PAK4: variants seen among roughly 807,000 people sequenced by gnomAD.
PAK4 encodes p21 (RAC1) activated kinase 4.
Under a neutral mutation model 53.5 loss-of-function variants are expected in PAK4, and 49 were observed. The observed-to-expected ratio is 0.92, with a 90% CI of 0.73 to 1.16. The LOEUF (loss-of-function observed/expected upper bound fraction) is 1.16, where lower values mean the gene tolerates loss of function less well. Ranked by LOEUF, PAK4 falls within the 50% of genes most tolerant of loss-of-function variation. The probability of loss-of-function intolerance (pLI) is 0.00; values close to 1 mark genes in which losing one functional copy is unlikely to be tolerated. For missense variants in PAK4, 824 were observed against 850.7 expected (o/e 0.97, Z 0.39); for synonymous variants, 376 against 375.6 (o/e 1.00, Z -0.01).
intron 2 of PAK4, among the ~76,000 whole-genome samples, chr19:39,172,664 G>A (rs1022308093): frequency 1.3e-5 from 2 of 152,116 alleles, no homozygotes; most frequent in Non-Finnish European, 2.9e-5. Context: ...AACAAGGGGG[G>A]CCTCTCCAGG....
At chr19:39,177,687 T>C in exon 8 of PAK4, 1 of 1,612,936 alleles carries the variant, frequency 6.2e-7, no homozygotes, top group Non-Finnish European at 8.5e-7. Context: ...AGACATCTGG[T>C]CGCTGGGGAT....
At chr19:39,151,694 G>A (rs80072934) in intron 1 of PAK4, among the ~76,000 whole-genome samples, 3,192 of 152,344 alleles carry the variant, frequency 0.021, 124 homozygotes, top group African/African-American at 0.073. Context: ...TATGCAGCAT[G>A]TCTGTGGTTT....
At position 39,161,031 on chromosome 19, in the gene PAK4, G is replaced by A. The variant is rs1396001875; in HGVS notation, c.-22-8501G>A. The stretch of plus-strand genomic sequence containing the variant: ...GCCCTGGGCAGTGAGTTCCCCTCTC[G>A]GCCTCAGTTTCCTGGTTTGGGGAAC... On this transcript the variant is annotated intron_variant, in intron 1 of 8. Transcript: ENST00000358301. The surrounding 1 kb of genome is among the most constrained non-coding windows in gnomAD (Gnocchi z 4.5). 2.0e-5 allele frequency among the ~76,000 whole-genome samples: 3 copies of A among 152,146 alleles called. No individual in the cohort carries two copies. The highest frequency in any genetic ancestry group is 4.8e-5 in the African/African-American group (2 of 41,442).
At chr19:39,164,849 G>A (rs2074343342) in intron 1 of PAK4, among the ~76,000 whole-genome samples, 1 of 152,168 alleles carries the variant, frequency 6.6e-6, no homozygotes, top group Non-Finnish European at 1.5e-5. Flanking sequence ...GTCAGCGTCT[G>A]CTCTGGGCCA....
In PAK4 at chr19:39,140,986, G is replaced by A. The variant is rs144730323; in HGVS notation, c.-23+15067G>A. On this transcript the variant is annotated intron_variant, in intron 1 of 8. Transcript: ENST00000358301. Reference sequence around the variant, plus strand: ...TACACTTATTAGAGAGGCAGGATCCGTGCTTGGATTTAGTAGTTAGGATTC... The same window carrying A: ...TACACTTATTAGAGAGGCAGGATCCATGCTTGGATTTAGTAGTTAGGATTC... Among the ~76,000 whole-genome samples the A allele has an allele frequency of 3.9e-4, 60 of 152,280 alleles. No individual in the cohort carries two copies. In the East Asian group the frequency reaches 0.01, roughly 26 times the overall value.
At chr19:39,171,560 C>T (rs2074479781) in intron 2 of PAK4, among the ~76,000 whole-genome samples, 1 of 152,198 alleles carries the variant, frequency 6.6e-6, no homozygotes. Context: ...TTCCTGGGGC[C>T]CCTGGGCAAG....
At chr19:39,177,632 A>G in intron 7 of PAK4, 43 bp from the exon 9 acceptor site, 1 of 1,585,128 alleles carries the variant, frequency 6.3e-7, no homozygotes, top group South Asian at 1.1e-5. Context: ...AGGACCCACC[A>G]TCCCCCAACA....
intron 1 of PAK4, among the ~76,000 whole-genome samples, chr19:39,165,515 A>AAAATAAAT (rs57100878): frequency 0.14 from 19,432 of 134,892 alleles, 1,604 homozygotes; most frequent in Non-Finnish European, 0.17. Context: ...ACTCCCTCTC[A>AAAATAAAT]AAATAAATAA....
In PAK4 at chr19:39,173,583, C is replaced by T; in HGVS notation, c.671C>T (p.Pro224Leu). The T allele has an allele frequency of 2.0e-6, 3 of 1,522,532 alleles. No homozygotes were observed. Among genetic ancestry groups the T allele is most frequent in the Non-Finnish European group, 2.6e-6 (3 of 1,136,736 alleles). 94.3% of individuals were successfully genotyped at this position (1,522,532 alleles called of 1,614,324 possible). Residue 224 changes from proline (P) to leucine (L), a missense_variant, in exon 4 of 9, where the codon CCT (proline) becomes CTT (leucine). By Grantham distance (98) the Pro-to-Leu change is moderately conservative. Around this residue, in one of 2 missense-constraint regions of PAK4, gnomAD observed 478 missense variants for 435.8 expected, o/e 1.10. Transcript: ENST00000358301. The surrounding 1 kb of genome is among the most constrained non-coding windows in gnomAD (Gnocchi z 6.9). ...ACCTCTCTTCTGTTTCAGGGGGAGC[C>T]TCATGACGTGGCCCCTAACGGGCCA...
intron 1 of PAK4, chr19:39,136,551 C>G (rs755486788): frequency 6.6e-6 from 1 of 152,334 alleles, no homozygotes; most frequent in Non-Finnish European, 1.5e-5. Flanking sequence ...AGGAGCAGCC[C>G]CTGTCACCCT....
chr19:39,175,518 G>A lies in PAK4; in HGVS notation c.1359+80G>A, dbSNP rs530726980. 2 of 1,426,446 alleles carry A rather than the reference G, an allele frequency of 1.4e-6. No individual in the cohort carries two copies. The highest frequency in any genetic ancestry group is 4.8e-5 in the East Asian group (2 of 41,416). The allele number at this position is 1,426,446 out of a possible 1,614,324, so 88.4% of individuals were successfully genotyped here. A position where few individuals can be genotyped will look rare whatever the true frequency, so the allele number is the denominator to read the frequency against. On this transcript the variant is annotated intron_variant, in intron 6 of 8. Transcript: ENST00000358301. This position sits in a 1 kb window ranked among gnomAD's most constrained non-coding sequence, Gnocchi z 4.7. The stretch of plus-strand genomic sequence containing the variant: ...CCCTGCCTCTTCCCATCCCCTGTGA[G>A]GGTAGGTGAGCTCTGACCCCCAGGT...
chr19:39,137,669 CTTT>C (rs754678702), intron 1 of PAK4, among the ~76,000 whole-genome samples: 5 of 140,256 alleles, frequency 3.6e-5, no homozygotes, highest in Non-Finnish European at 3.1e-5. Flanking sequence ...GGTCACTTTC[CTTT>C]TTTTTTTTTT....
chr19:39,159,810 T>C (rs528383676), intron 1 of PAK4, among the ~76,000 whole-genome samples: 2 of 152,280 alleles, frequency 1.3e-5, no homozygotes, highest in Admixed American at 1.3e-4. Flanking sequence ...GGGACGGCGC[T>C]ATACCTGGAG....
chr19:39,174,997 G>A (rs772066441), exon 5 of PAK4: 24 of 1,613,964 alleles, frequency 1.5e-5, no homozygotes, highest in Non-Finnish European at 2.0e-5. Flanking sequence ...CCTGGTGGGG[G>A]ACGAGCTCTG....
At chr19:39,136,703 C>T (rs2073821616) in intron 1 of PAK4, among the ~76,000 whole-genome samples, 1 of 152,210 alleles carries the variant, frequency 6.6e-6, no homozygotes, top group Admixed American at 6.5e-5. Context: ...TTGCCCTGCC[C>T]CTTGCTATGT....
At chr19:39,129,127 C>T (rs1303361406) in intron 1 of PAK4, among the ~76,000 whole-genome samples, 3 of 152,112 alleles carry the variant, frequency 2.0e-5, no homozygotes, top group African/African-American at 4.8e-5. Flanking sequence ...AGACTGGACT[C>T]TTAACTCCTG....
In PAK4 at chr19:39,173,415, G is replaced by A; in HGVS notation, c.663+39G>A. The A allele has an allele frequency of 6.9e-7, 1 of 1,441,798 alleles. No homozygotes were observed. Among genetic ancestry groups the A allele is most frequent in the Non-Finnish European group, 9.2e-7 (1 of 1,083,584 alleles). 89.3% of individuals were successfully genotyped at this position (1,441,798 alleles called of 1,614,324 possible). ...CGCCCCAGGGCCCCCACTGTCCCCT[G>A]CCCGTTGCTCCTCTGTCCCCACCTT... On this transcript the variant is annotated intron_variant, in intron 3 of 8. Transcript: ENST00000358301. The surrounding 1 kb of genome is among the most constrained non-coding windows in gnomAD (Gnocchi z 6.9).
intron 1 of PAK4, among the ~76,000 whole-genome samples, chr19:39,130,858 T>TCAGGCTGCTG (rs2073696095): frequency 6.8e-6 from 1 of 147,470 alleles, no homozygotes; most frequent in South Asian, 2.2e-4. Context: ...TAAAGATTGC[T>TCAGGCTGCTG]CAGGCTGCTG....
exon 2 of PAK4, chr19:39,169,546 C>G: frequency 6.2e-7 from 1 of 1,612,420 alleles, no homozygotes; most frequent in East Asian, 2.2e-5. Context: ...CACCGAGTCC[C>G]CGGCACCATG....
Sources: allele counts gnomAD v4.1 joint callset (sites outside exome capture counted in the v4.1 genomes callset), GRCh38; gene constraint gnomAD v4.1.1; regional missense constraint gnomAD v4.1.1; non-coding constraint Gnocchi (gnomAD v3.1); transcripts MANE v1.5; gene names NCBI Gene and HGNC (gene_info 2026-07-23, HGNC 2026-07-21).